SLC27A5: variants seen among roughly 807,000 people sequenced by gnomAD.
SLC27A5 encodes solute carrier family 27 member 5, also known as long-chain fatty acid transport protein 5.
In SLC27A5, 47 loss-of-function variants were observed where a neutral mutation model predicts 63.1. The observed-to-expected ratio is 0.74, with a 90% confidence interval of 0.59 to 0.95. The LOEUF is 0.95. Among genes scored for constraint, SLC27A5 ranks in the 40% least tolerant of loss-of-function variants. The probability of loss-of-function intolerance (pLI) is 0.00; values close to 1 mark genes in which losing one functional copy is unlikely to be tolerated. For synonymous variants in SLC27A5, 391 were observed against 403.8 expected, an observed-to-expected ratio of 0.97 and a Z score of 0.38; for missense variants, 940 against 921.0, an observed-to-expected ratio of 1.02 and a Z score of -0.27.
At position 58,511,507 on chromosome 19, in the gene SLC27A5, G is replaced by A. The variant is rs752061822; in HGVS notation, c.449C>T (p.Ala150Val). ...AGSVTFGELD[A>V]RACQAAWALK... is the part of the protein sequence containing the mutation. ...GGCCCATGCCGCCTGGCAGGCCCGG[G>A]CATCCAGCTCACCAAAGGTGACTGA... is the stretch of plus-strand genomic sequence containing the variant. Residue 150 changes from alanine to valine, a missense_variant, in exon 1 of 10, where the codon GCC becomes GTC. Physicochemically the swap from Ala to Val is moderately conservative, Grantham distance 64. Coordinates refer to ENST00000263093, the MANE Select transcript of SLC27A5 (RefSeq NM_012254.3). 1.3e-6 allele frequency: 2 copies of A among 1,571,764 alleles called. No individual in the cohort carries two copies. Among genetic ancestry groups the A allele is most frequent in the African/African-American group, 2.7e-5 (2 of 74,056 alleles).
intron 6 of SLC27A5, among the ~76,000 whole-genome samples, 181 bp from the exon 7 acceptor site, chr19:58,499,871 G>C (rs903893903): frequency 6.6e-6 from 1 of 152,174 alleles, no homozygotes; most frequent in African/African-American, 2.4e-5. Flanking sequence ...TGCGACAAGC[G>C]ACACAGAAAA....
Position 58,498,566 on chromosome 19 carries a change from G to A in SLC27A5, c.2022C>T (p.Pro674=). 1 of 1,614,078 alleles carries A rather than the reference G, an allele frequency of 6.2e-7. No homozygotes were observed. The highest frequency in any genetic ancestry group is 8.5e-7 in the Non-Finnish European group (1 of 1,180,012). The change falls in exon 10 of 10, where the codon CCC becomes CCT. Residue 674 remains proline, a synonymous_variant. Transcript: ENST00000263093. ...CAGCCTGGTACATTTCTGCCGTCAG[G>A]GGCCGGAAGGACTGGGCCCGGTTGT... ...VLDNRAQSFR[P]LTAEMYQAVC... is the part of the protein sequence containing the mutation.
Sources: allele counts gnomAD v4.1 joint callset (sites outside exome capture counted in the v4.1 genomes callset), GRCh38; gene constraint gnomAD v4.1.1; transcripts MANE v1.5; gene names NCBI Gene and HGNC (gene_info 2026-07-23, HGNC 2026-07-21).